The following CEP112 variants were observed in gnomAD, a reference collection of about 807,000 sequenced individuals.
CEP112 encodes centrosomal protein 112, also known as centrosomal protein of 112 kDa.
In CEP112, 127 loss-of-function variants were observed where a neutral mutation model predicts 153.0. That is an observed-to-expected ratio of 0.83 (90% CI 0.72 to 0.96). The LOEUF is 0.96. Among genes scored for constraint, CEP112 ranks in the 40% least tolerant of loss-of-function variants. The probability of loss-of-function intolerance (pLI) is 0.00; values close to 1 mark genes in which losing one functional copy is unlikely to be tolerated. For synonymous variants in CEP112, 358 were observed against 374.4 expected (o/e 0.96, Z 0.51); for missense variants, 1,089 against 1,101.2 (o/e 0.99, Z 0.16).
At chr17:66,066,162 T>C (rs1366589068) in intron 10 of CEP112, among the ~76,000 whole-genome samples, 2 of 152,192 alleles carry the variant, frequency 1.3e-5, no homozygotes, top group East Asian at 3.9e-4. Context: ...CCCATAATCA[T>C]AGTCAACTAC....
At chr17:65,829,823 A>T (rs2057005855) in intron 21 of CEP112, among the ~76,000 whole-genome samples, 1 of 152,246 alleles carries the variant, frequency 6.6e-6, no homozygotes. Flanking sequence ...AAGCTGGGAC[A>T]TATTTAACAG....
intron 23 of CEP112, among the ~76,000 whole-genome samples, chr17:65,712,964 G>A (rs959476350): frequency 2.6e-5 from 4 of 152,100 alleles, no homozygotes; most frequent in Non-Finnish European, 4.4e-5. Context: ...AGAGAAAACT[G>A]GACATAAAAA....
intron 21 of CEP112, among the ~76,000 whole-genome samples, chr17:65,845,673 A>G (rs928511853): frequency 3.3e-5 from 5 of 152,222 alleles, no homozygotes; most frequent in Non-Finnish European, 7.3e-5. Flanking sequence ...CCAAAGTTTA[A>G]TCAAACTTCT....
chr17:66,109,171 G>A (rs1000136096), intron 6 of CEP112, among the ~76,000 whole-genome samples: 10 of 152,086 alleles, frequency 6.6e-5, no homozygotes, highest in Admixed American at 1.3e-4. Context: ...CAAAAATATC[G>A]TTAGAGAGAA....
chr17:65,819,265 A>T (rs2056417320), intron 21 of CEP112, among the ~76,000 whole-genome samples: 1 of 151,838 alleles, frequency 6.6e-6, no homozygotes, highest in African/African-American at 2.4e-5. Context: ...GTTAGCTGTG[A>T]TTCCTTACTT....
At chr17:65,991,339 G>A (rs2063587327) in intron 17 of CEP112, among the ~76,000 whole-genome samples, 1 of 151,940 alleles carries the variant, frequency 6.6e-6, no homozygotes, top group Non-Finnish European at 1.5e-5. Context: ...GAGAGGTAAC[G>A]TTATACTCAT....
chr17:66,150,917 T>C (rs1318519518), intron 4 of CEP112, among the ~76,000 whole-genome samples: 1 of 152,250 alleles, frequency 6.6e-6, no homozygotes, highest in African/African-American at 2.4e-5. Flanking sequence ...TGCTTATGAA[T>C]AGACTCTTTA....
chr17:65,897,232 A>G (rs1056576409), intron 20 of CEP112, among the ~76,000 whole-genome samples: 1 of 152,130 alleles, frequency 6.6e-6, no homozygotes, highest in African/African-American at 2.4e-5. Flanking sequence ...TTTCCAAGCA[A>G]TCAGTCCAGT....
chr17:66,069,045 T>C (rs2067219993), intron 9 of CEP112, among the ~76,000 whole-genome samples: 1 of 151,796 alleles, frequency 6.6e-6, no homozygotes. Flanking sequence ...TTCCTCCTTA[T>C]TGCTTTAAAG....
chr17:65,970,561 A>G (rs1212567357), intron 17 of CEP112, among the ~76,000 whole-genome samples: 1 of 152,078 alleles, frequency 6.6e-6, no homozygotes, highest in East Asian at 1.9e-4. Context: ...AAAGTTACCT[A>G]CATCTTACAT....
intron 6 of CEP112, among the ~76,000 whole-genome samples, chr17:66,107,767 C>T (rs1311935917): frequency 2.0e-5 from 3 of 152,074 alleles, no homozygotes; most frequent in Non-Finnish European, 4.4e-5. Context: ...ATACCAACAA[C>T]ATTCTTCACA....
intron 17 of CEP112, among the ~76,000 whole-genome samples, chr17:65,998,974 T>C (rs2063904681): frequency 1.3e-5 from 2 of 152,154 alleles, no homozygotes; most frequent in South Asian, 4.1e-4. Context: ...AGAATTTAAA[T>C]ACAGAAATAC....
intron 21 of CEP112, among the ~76,000 whole-genome samples, chr17:65,784,711 C>A (rs2054180893): frequency 6.6e-6 from 1 of 152,150 alleles, no homozygotes; most frequent in Admixed American, 6.5e-5. Flanking sequence ...GAACTCCTGA[C>A]CTCATGATCC....
chr17:65,970,403 C>T (rs1411054025), intron 17 of CEP112, among the ~76,000 whole-genome samples: 4 of 133,724 alleles, frequency 3.0e-5, no homozygotes, highest in Non-Finnish European at 6.4e-5. Flanking sequence ...CATGCATGCA[C>T]ACATCATGCA....
chr17:65,685,437 G>A (rs2047731709), intron 24 of CEP112, among the ~76,000 whole-genome samples: 1 of 152,114 alleles, frequency 6.6e-6, no homozygotes, highest in African/African-American at 2.4e-5. Context: ...AATGCAACCA[G>A]TATCAGGATA....
At chr17:66,185,917 G>C (rs181897796) in intron 1 of CEP112, among the ~76,000 whole-genome samples, 2 of 152,096 alleles carry the variant, frequency 1.3e-5, no homozygotes, top group East Asian at 3.9e-4. Flanking sequence ...CCTCTTCATA[G>C]AAAGTTCTCT....
chr17:65,680,939 C>T (rs2047490533), intron 24 of CEP112, among the ~76,000 whole-genome samples: 1 of 152,118 alleles, frequency 6.6e-6, no homozygotes, highest in Non-Finnish European at 1.5e-5. Flanking sequence ...AAACTGCCCG[C>T]CATGATCCAG....
intron 8 of CEP112, among the ~76,000 whole-genome samples, chr17:66,091,891 ATGAG>A (rs2068146062): frequency 6.6e-6 from 1 of 152,186 alleles, no homozygotes; most frequent in African/African-American, 2.4e-5. Context: ...AAAGACTACT[ATGAG>A]TAATTATACG....
At chr17:65,655,541 G>T in intron 24 of CEP112, 1 of 540,318 alleles carries the variant, frequency 1.9e-6, no homozygotes, top group South Asian at 2.4e-5. Flanking sequence ...GAAAGTAATG[G>T]ATTTTCATTG....
Sources: allele counts gnomAD v4.1 joint callset (sites outside exome capture counted in the v4.1 genomes callset), GRCh38; gene constraint gnomAD v4.1.1; transcripts MANE v1.5; gene names NCBI Gene and HGNC (gene_info 2026-07-23, HGNC 2026-07-21).